ENTREP2: variants seen among roughly 807,000 people sequenced by gnomAD.
ENTREP2 encodes the protein protein ENTREP2.
At chr15:29,476,812 G>A in the ENTREP2 span, among the ~76,000 whole-genome samples, 1 of 152,322 alleles carries the variant, frequency 6.6e-6, no homozygotes, top group East Asian at 1.9e-4. Context: ...CTCACATGCT[G>A]CTGGCGGGAG....
chr15:29,385,070 C>G, the ENTREP2 span, among the ~76,000 whole-genome samples: 1 of 152,064 alleles, frequency 6.6e-6, no homozygotes, highest in Non-Finnish European at 1.5e-5. Flanking sequence ...GGGGGCCCAT[C>G]AGATCCCCAA....
chr15:29,268,823 G>A, the ENTREP2 span: 1 of 1,613,696 alleles, frequency 6.2e-7, no homozygotes, highest in Middle Eastern at 1.6e-4. Flanking sequence ...CTAGGCTGAG[G>A]TCTGGCCCTG....
chr15:29,384,114 C>T, the ENTREP2 span, among the ~76,000 whole-genome samples: 36 of 152,284 alleles, frequency 2.4e-4, no homozygotes, highest in African/African-American at 8.4e-4. Context: ...AGTGGGCACA[C>T]CATGTTCCCA....
chr15:29,417,442 A>G, the ENTREP2 span, among the ~76,000 whole-genome samples: 2 of 152,162 alleles, frequency 1.3e-5, no homozygotes, highest in Non-Finnish European at 2.9e-5. Flanking sequence ...GAATTGAACA[A>G]TGAGAACACA....
At chr15:29,476,865 C>T in the ENTREP2 span, among the ~76,000 whole-genome samples, 7 of 152,186 alleles carry the variant, frequency 4.6e-5, no homozygotes, top group African/African-American at 1.2e-4. Context: ...TTGCCAGCCA[C>T]GACAACAGTT....
chr15:29,172,981 C>T, the ENTREP2 span, among the ~76,000 whole-genome samples: 1 of 152,208 alleles, frequency 6.6e-6, no homozygotes, highest in Non-Finnish European at 1.5e-5. Context: ...GCGCCTTCCC[C>T]CGTCCCTGGC....
chr15:29,604,478 A>G, the ENTREP2 span, among the ~76,000 whole-genome samples: 1 of 152,230 alleles, frequency 6.6e-6, no homozygotes, highest in Non-Finnish European at 1.5e-5. Context: ...ATTTCTACGT[A>G]GATACCATCT....
At chr15:29,351,438 T>C in the ENTREP2 span, among the ~76,000 whole-genome samples, 1 of 152,152 alleles carries the variant, frequency 6.6e-6, no homozygotes, top group Non-Finnish European at 1.5e-5. Context: ...AACAGGTGTG[T>C]GATCAATAAT....
chr15:29,460,027 G>T, the ENTREP2 span, among the ~76,000 whole-genome samples: 2 of 152,164 alleles, frequency 1.3e-5, no homozygotes, highest in Non-Finnish European at 2.9e-5. Flanking sequence ...CAGGAGGGTT[G>T]CTTGAGATGA....
At chr15:29,460,578 C>A in the ENTREP2 span, among the ~76,000 whole-genome samples, 1 of 152,114 alleles carries the variant, frequency 6.6e-6, no homozygotes. Context: ...CTGCAGTGAC[C>A]CGAGATTGTG....
At chr15:29,298,771 T>G in the ENTREP2 span, among the ~76,000 whole-genome samples, 18,489 of 152,214 alleles carry the variant, frequency 0.12, 1,521 homozygotes, top group African/African-American at 0.24. Flanking sequence ...AACAGTGAAT[T>G]AATTCTAATG....
the ENTREP2 span, among the ~76,000 whole-genome samples, chr15:29,474,747 G>T: frequency 2.0e-5 from 3 of 151,962 alleles, no homozygotes; most frequent in Admixed American, 1.3e-4. Flanking sequence ...AACAGACAGG[G>T]TTTCACCATG....
chr15:29,223,941 C>G, the ENTREP2 span, among the ~76,000 whole-genome samples: 3 of 152,180 alleles, frequency 2.0e-5, no homozygotes, highest in Admixed American at 6.5e-5. Flanking sequence ...CAGCTCGCGC[C>G]CAGCTCTGCC....
At chr15:29,673,369 T>G in the ENTREP2 span, among the ~76,000 whole-genome samples, 1 of 152,146 alleles carries the variant, frequency 6.6e-6, no homozygotes, top group East Asian at 1.9e-4. Flanking sequence ...GTCTCAGCCT[T>G]ATTTCACCCA....
the ENTREP2 span, among the ~76,000 whole-genome samples, chr15:29,140,596 CG>C: frequency 6.6e-6 from 1 of 152,148 alleles, no homozygotes; most frequent in East Asian, 1.9e-4. Flanking sequence ...CTATCAAACA[CG>C]TATTGTTCCT....
the ENTREP2 span, among the ~76,000 whole-genome samples, chr15:29,440,023 A>C: frequency 1.3e-5 from 2 of 152,134 alleles, no homozygotes; most frequent in African/African-American, 4.8e-5. Context: ...GACAAACCCA[A>C]ATTGAGGGAT....
chr15:29,523,133 T>C, the ENTREP2 span, among the ~76,000 whole-genome samples: 5 of 152,188 alleles, frequency 3.3e-5, no homozygotes, highest in South Asian at 6.2e-4. Flanking sequence ...AAGACGAAGG[T>C]AGGGCTGTCA....
At chr15:29,560,678 T>TGGATG in the ENTREP2 span, among the ~76,000 whole-genome samples, 1 of 152,120 alleles carries the variant, frequency 6.6e-6, no homozygotes, top group Non-Finnish European at 1.5e-5. Flanking sequence ...GTTCCAGCTA[T>TGGATG]GGATGTCTGC....
At chr15:29,610,455 G>A in the ENTREP2 span, 2 of 150,154 alleles carry the variant, frequency 1.3e-5, no homozygotes, top group East Asian at 4.1e-4. Context: ...ACAAATCTGG[G>A]AACTTTAAAA....
Sources: gnomAD v4.1 joint callset for allele counts (sites outside exome capture counted in the v4.1 genomes callset) on GRCh38, gnomAD v4.1.1 for gene constraint, MANE v1.5 for transcripts, NCBI Gene and HGNC (gene_info 2026-07-23, HGNC 2026-07-21) for gene names.